The following VPS13C variants were observed in gnomAD, a reference collection of about 807,000 sequenced individuals.
VPS13C encodes intermembrane lipid transfer protein VPS13C.
VPS13C carries 358 observed loss-of-function variants against 456.8 expected under a neutral mutation model. The observed-to-expected ratio is 0.78, with a 90% CI of 0.72 to 0.86. VPS13C has a LOEUF of 0.86. Ranked by LOEUF, VPS13C falls within the 40% of genes least tolerant of loss-of-function variation. The pLI is 0.00. For missense variants in VPS13C, 4,818 were observed against 4,385.4 expected, an observed-to-expected ratio of 1.10 and a Z score of -2.79; for synonymous variants, 1,578 against 1,486.7, an observed-to-expected ratio of 1.06 and a Z score of -1.41.
chr15:62,015,397 G>A (rs1437773102), intron 9 of VPS13C, among the ~76,000 whole-genome samples: 1 of 151,976 alleles, frequency 6.6e-6, no homozygotes, highest in African/African-American at 2.4e-5. Context: ...TGTTGCCATT[G>A]CTTTTGGTGT....
chr15:61,962,805 CA>C lies in VPS13C; in HGVS notation c.3378del (p.Phe1126LeufsTer4). On this transcript the variant is annotated frameshift_variant, in exon 33 of 85. Coordinates refer to ENST00000644861, the MANE Select transcript of VPS13C (RefSeq NM_020821.3). LOFTEE classifies it high-confidence loss of function. The stretch of plus-strand genomic sequence containing the variant: ...GTGACAATAATATTTTCTAGTCGGG[CA>C]AAAAGTGACTGCTTTCTTGACTGGA... ...LSLQSRKQSLFARLENIIVTD... is the reference protein window; with the variant it reads ...LSLQSRKQSLXARLENIIVTD... 6.2e-7 allele frequency: 1 copy of C among 1,606,644 alleles called. No individual in the cohort carries two copies. Among genetic ancestry groups the C allele is most frequent in the South Asian group, 1.1e-5 (1 of 89,772 alleles).
At chr15:61,996,896 C>CATAT (rs1341252568) in intron 16 of VPS13C, among the ~76,000 whole-genome samples, 72 of 129,414 alleles carry the variant, frequency 5.6e-4, no homozygotes, top group African/African-American at 1.8e-3. Flanking sequence ...CACACACACA[C>CATAT]ATATATATAT....
intron 45 of VPS13C, among the ~76,000 whole-genome samples, chr15:61,944,342 T>C (rs2044533260): frequency 6.6e-6 from 1 of 152,134 alleles, no homozygotes; most frequent in Admixed American, 6.6e-5. Flanking sequence ...TCACGTGTTC[T>C]TCAGAGCACA....
intron 66 of VPS13C, among the ~76,000 whole-genome samples, chr15:61,894,283 G>C (rs1050583609): frequency 7.9e-5 from 12 of 151,962 alleles, no homozygotes; most frequent in Middle Eastern, 3.4e-3. Flanking sequence ...ACTCCAGCCA[G>C]GGTGACAGAG....
At chr15:61,869,731 C>A in intron 79 of VPS13C, 108 bp from the exon 80 acceptor site, 1 of 1,518,388 alleles carries the variant, frequency 6.6e-7, no homozygotes, top group Non-Finnish European at 8.8e-7. Context: ...CAGGAAGTTA[C>A]AAAAATTTGG....
At chr15:62,020,429 GAAT>G (rs779942823) in intron 9 of VPS13C, 47 bp downstream of exon 9, 6 of 1,517,518 alleles carry the variant, frequency 4.0e-6, no homozygotes, top group Non-Finnish European at 5.4e-6. Flanking sequence ...TGTGACTTCA[GAAT>G]AATACTTTAC....
chr15:62,031,439 A>G (rs1349062105), intron 5 of VPS13C, among the ~76,000 whole-genome samples: 1 of 152,032 alleles, frequency 6.6e-6, no homozygotes, highest in Non-Finnish European at 1.5e-5. Flanking sequence ...TCTATCATTC[A>G]CATGAATAAT....
intron 1 of VPS13C, among the ~76,000 whole-genome samples, chr15:62,052,912 G>C (rs1285288147): frequency 6.6e-6 from 1 of 152,064 alleles, no homozygotes; most frequent in East Asian, 1.9e-4. Context: ...CATCACCACT[G>C]AACTTTCTCC....
At chr15:61,881,506 T>G in intron 71 of VPS13C, 57 bp downstream of exon 71, 1 of 1,493,346 alleles carries the variant, frequency 6.7e-7, no homozygotes, top group Non-Finnish European at 9.1e-7. Context: ...AGATTTATTT[T>G]CAAAGTAGAT....
Position 62,013,022 on chromosome 15 carries a change from G to T in VPS13C, c.825+17C>A. 1 of 1,597,976 alleles carries T rather than the reference G, an allele frequency of 6.3e-7. No homozygotes were observed. The highest frequency in any genetic ancestry group is 8.5e-7 in the Non-Finnish European group (1 of 1,170,204). On this transcript the variant is annotated intron_variant, in intron 11 of 84. Transcript: ENST00000644861. The stretch of plus-strand genomic sequence containing the variant: ...ATGGGAGTGAAGTTAGCTCTTCCAA[G>T]TATACATTAATATTACCAAAATCTG...
chr15:61,901,585 T>A (rs1330986340), intron 66 of VPS13C, among the ~76,000 whole-genome samples: 1 of 152,148 alleles, frequency 6.6e-6, no homozygotes, highest in Non-Finnish European at 1.5e-5. Flanking sequence ...CCAGTTAGAA[T>A]GGCAATCATT....
intron 81 of VPS13C, chr15:61,865,314 A>G (rs1894464058): frequency 1.0e-6 from 1 of 980,436 alleles, no homozygotes. Context: ...TGTTAGTAGA[A>G]TAATTTAATG....
intron 81 of VPS13C, chr15:61,866,805 AT>A (rs1372084859): frequency 5.1e-6 from 5 of 979,914 alleles, no homozygotes; most frequent in Non-Finnish European, 6.1e-6. Context: ...TCAATTTATT[AT>A]TTTGATAACT....
At chr15:62,010,416 A>G in intron 13 of VPS13C, 56 bp downstream of exon 13, 1 of 1,443,264 alleles carries the variant, frequency 6.9e-7, no homozygotes, top group South Asian at 1.7e-5. Flanking sequence ...AATCACAAAT[A>G]AAAGCAGTCA....
intron 26 of VPS13C, 36 bp from the exon 27 acceptor site, chr15:61,972,800 T>C (rs764657382): frequency 1.3e-6 from 2 of 1,566,692 alleles, no homozygotes; most frequent in Non-Finnish European, 8.6e-7. Context: ...TCTGAGACAA[T>C]GTACATTGAA....
chr15:61,988,969 T>A (rs1350290188), intron 18 of VPS13C, among the ~76,000 whole-genome samples: 2 of 152,044 alleles, frequency 1.3e-5, no homozygotes, highest in African/African-American at 4.8e-5. Flanking sequence ...AAGCATAGTT[T>A]CATGACCTTG....
In VPS13C at chr15:61,868,760, T is replaced by C. The variant is rs781324845; in HGVS notation, c.10762A>G (p.Thr3588Ala). ...GGACGGAGGCTAGATACTTCCTCAG[T>C]TGATTCTGCTGCCCTGAATAAGGCA... ...FQGIQRAAES[T>A]EEVSSLRPPR... The change falls in exon 81 of 85, where the codon ACT becomes GCT. Residue 3588 changes from threonine to alanine, a missense_variant. Coordinates refer to ENST00000644861, the MANE Select transcript of VPS13C (RefSeq NM_020821.3). 1.9e-6 allele frequency: 3 copies of C among 1,613,716 alleles called. No homozygotes were observed. The highest frequency in any genetic ancestry group is 1.3e-5 in the African/African-American group (1 of 74,920).
At chr15:62,014,624 G>T (rs1382898201) in intron 9 of VPS13C, among the ~76,000 whole-genome samples, 3 of 152,106 alleles carry the variant, frequency 2.0e-5, no homozygotes, top group Non-Finnish European at 2.9e-5. Flanking sequence ...GTTTACTATT[G>T]CTGTAGTTGT....
At chr15:61,918,351 A>G in intron 58 of VPS13C, 94 bp from the exon 59 acceptor site, 2 of 1,205,802 alleles carry the variant, frequency 1.7e-6, no homozygotes, top group South Asian at 1.9e-5. Context: ...GATCTAAAAA[A>G]TTTCAAACTC....
Sources: gnomAD v4.1 joint callset for allele counts (sites outside exome capture counted in the v4.1 genomes callset) on GRCh38, gnomAD v4.1.1 for gene constraint, MANE v1.5 for transcripts, NCBI Gene and HGNC (gene_info 2026-07-23, HGNC 2026-07-21) for gene names.